Variants in CFAP46 observed in about 807,000 individuals in gnomAD.
CFAP46 encodes cilia- and flagella-associated protein 46.
Under a neutral mutation model 325.7 loss-of-function variants are expected in CFAP46, and 245 were observed. The ratio of observed to expected loss-of-function variants is 0.75; its 90% CI spans 0.68 to 0.84. CFAP46 has a LOEUF of 0.84. Among genes scored for constraint, CFAP46 ranks in the 40% least tolerant of loss-of-function variants. CFAP46 has a pLI of 0.00. For missense variants in CFAP46, 3,346 were observed against 3,543.0 expected (o/e 0.94, Z 1.41); for synonymous variants, 1,523 against 1,495.9 (o/e 1.02, Z -0.42).
At chr10:132,835,254 T>G (rs1456301548) in intron 47 of CFAP46, 50 bp downstream of exon 47, 1 of 1,592,944 alleles carries the variant, frequency 6.3e-7, no homozygotes, top group Non-Finnish European at 8.5e-7. Flanking sequence ...CTCCCAGGGG[T>G]GGGGAGCAGA....
chr10:132,816,634 A>G (rs547032599), intron 50 of CFAP46, among the ~76,000 whole-genome samples: 10 of 151,638 alleles, frequency 6.6e-5, no homozygotes, highest in Admixed American at 3.9e-4. Flanking sequence ...TGCCCGGCCA[A>G]CTCTGACTTC....
In CFAP46 at chr10:132,885,139, C is replaced by G; in HGVS notation, c.3591G>C (p.Glu1197Asp). The change falls in exon 27 of 58, where the codon GAG (glutamate) becomes GAC (aspartate). Residue 1197 changes from glutamate (E) to aspartate (D), a missense_variant. Transcript: ENST00000368586. Reference sequence around the variant, plus strand: ...GGATGGCGTTGTTGTAGCAGGCCAGCTCTCCAGACACGCTCGGCGAGTTCA... The same window carrying G: ...GGATGGCGTTGTTGTAGCAGGCCAGGTCTCCAGACACGCTCGGCGAGTTCA... Reference protein sequence around the residue: ...LALNSPSVSGELACYNNAIQA... With the variant: ...LALNSPSVSGDLACYNNAIQA... The G allele has an allele frequency of 1.3e-6, 2 of 1,549,894 alleles. No homozygotes were observed.
Position 132,869,171 on chromosome 10 carries a change from G to T in CFAP46, c.4610+103C>A. 1.1e-6 allele frequency: 1 copy of T among 921,066 alleles called. No individual in the cohort carries two copies. Among genetic ancestry groups the T allele is most frequent in the Non-Finnish European group, 1.6e-6 (1 of 637,884 alleles). 57.1% of individuals were successfully genotyped at this position (921,066 alleles called of 1,614,324 possible). A position where few individuals can be genotyped will look rare whatever the true frequency, so the allele number is the denominator to read the frequency against. On this transcript the variant is annotated intron_variant, in intron 33 of 57. Coordinates refer to ENST00000368586, the MANE Select transcript of CFAP46 (RefSeq NM_001200049.3). This position sits in a 1 kb window ranked among gnomAD's most constrained non-coding sequence, Gnocchi z 6.2. ...CCCAAGTGCTCACTCTCCCCAGAGG[G>T]GCAGGAGTCCAGGGAAGAGGGTGGC...
chr10:132,812,933 A>G (rs1185829651), intron 54 of CFAP46, 36 bp from the exon 55 acceptor site: 4 of 1,537,506 alleles, frequency 2.6e-6, no homozygotes, highest in African/African-American at 1.4e-5. Context: ...AACAGTGCCC[A>G]TGCACCTGTA....
chr10:132,867,191 G>A (rs566574880), intron 34 of CFAP46, among the ~76,000 whole-genome samples, 184 bp downstream of exon 34: 8 of 148,508 alleles, frequency 5.4e-5, no homozygotes, highest in African/African-American at 1.5e-4. Flanking sequence ...CACACAGGCC[G>A]GCCCCTCACA....
At chr10:132,912,600 C>CTT in intron 19 of CFAP46, 55 bp downstream of exon 19, 1 of 1,438,724 alleles carries the variant, frequency 7.0e-7, no homozygotes, top group Non-Finnish European at 9.2e-7. Context: ...TCTCTCTCCT[C>CTT]TCTCCTCTCT....
In CFAP46 at chr10:132,853,275, T is replaced by G. The variant is rs146845771; in HGVS notation, c.5575-1970A>C. 1.6e-4 allele frequency among the ~76,000 whole-genome samples: 25 copies of G among 152,382 alleles called. No homozygotes were observed. The South Asian group carries it at 3.5e-3, about 21-fold the overall frequency. On this transcript the variant is annotated intron_variant, in intron 39 of 57. Coordinates refer to ENST00000368586, the MANE Select transcript of CFAP46 (RefSeq NM_001200049.3). ...TACCAGGAATGGGTGTTGAATTTTG[T>G]CAAATGCTTTTCCTGCATCCACAAA...
At chr10:132,837,962 G>GAC (rs1291964852) in intron 44 of CFAP46, among the ~76,000 whole-genome samples, 7 of 150,708 alleles carry the variant, frequency 4.6e-5, no homozygotes, top group Non-Finnish European at 7.4e-5. Flanking sequence ...CGTGTACACA[G>GAC]ACGCACACAC....
In CFAP46 at chr10:132,924,865, T is replaced by A; in HGVS notation, c.1087A>T (p.Arg363Trp). The stretch of plus-strand genomic sequence containing the variant: ...GCTCGCTGCAGCGCGACGTCTAGCC[T>A]CTGTATGATATCCAGCTGGGCCTGC... The part of the protein sequence containing the change: ...AVEAQLDIIQ[R>W]LDVALQRAVR... The change falls in exon 11 of 58, where the codon AGG becomes TGG. Residue 363 changes from arginine (R) to tryptophan (W), a missense_variant. Physicochemically the swap from Arg to Trp is moderately radical, Grantham distance 101. Transcript: ENST00000368586. The A allele has an allele frequency of 1.4e-6, 2 of 1,400,900 alleles. No individual in the cohort carries two copies. The highest frequency in any genetic ancestry group is 1.9e-6 in the Non-Finnish European group (2 of 1,070,280). 86.8% of individuals were successfully genotyped at this position (1,400,900 alleles called of 1,614,324 possible).
At position 132,879,364 on chromosome 10, in the gene CFAP46, C is replaced by A. The variant is rs569871242; in HGVS notation, c.4005+62G>T. Reference sequence around the variant, plus strand: ...TCTTTACAACGCTCACTGCGGTTTCCCCAGCCCGCGGCCCGTCCCGGGAGG... The same window carrying A: ...TCTTTACAACGCTCACTGCGGTTTCACCAGCCCGCGGCCCGTCCCGGGAGG... On this transcript the variant is annotated intron_variant, in intron 29 of 57. Transcript: ENST00000368586. 7.7e-6 allele frequency: 11 copies of A among 1,424,880 alleles called. No homozygotes were observed. In the East Asian group the frequency reaches 2.8e-4, roughly 37 times the overall value. The allele number at this position is 1,424,880 out of a possible 1,614,324, so 88.3% of individuals were successfully genotyped here. A position where few individuals can be genotyped will look rare whatever the true frequency, so the allele number is the denominator to read the frequency against.
chr10:132,909,425 G>A (rs866440865), intron 20 of CFAP46, among the ~76,000 whole-genome samples, 181 bp from the exon 21 acceptor site: 2 of 152,222 alleles, frequency 1.3e-5, no homozygotes, highest in Admixed American at 6.5e-5. Flanking sequence ...CTCATACAAC[G>A]AGGAGCCCCA....
chr10:132,937,631 G>A lies in CFAP46; in HGVS notation c.581C>T (p.Ala194Val). Reference sequence around the variant, plus strand: ...AGCTGCCGTGGAGCAGAACCTGGCAGCCTCCTCCTTTCTTCCGGCTTGCAG... The same window carrying A: ...AGCTGCCGTGGAGCAGAACCTGGCAACCTCCTCCTTTCTTCCGGCTTGCAG... ...CYLQAGRKEE[A>V]ARFCSTAAPF... is the part of the protein sequence containing the mutation. Residue 194 changes from alanine (A) to valine (V), a missense_variant, in exon 6 of 58, where the codon GCT (alanine) becomes GTT (valine). Transcript: ENST00000368586. 6.2e-7 allele frequency: 1 copy of A among 1,612,842 alleles called. No individual in the cohort carries two copies. Among genetic ancestry groups the A allele is most frequent in the Non-Finnish European group, 8.5e-7 (1 of 1,179,648 alleles).
chr10:132,935,984 A>C (rs1300181261), intron 7 of CFAP46, among the ~76,000 whole-genome samples: 3 of 51,352 alleles, frequency 5.8e-5, no homozygotes, highest in African/African-American at 2.7e-4. Flanking sequence ...ACATCCAAAC[A>C]CACTGTGATC....
rs1286511661 is a variant in CFAP46, at chr10:132,878,057, G to C, written c.4036C>G (p.Leu1346Val). 6.5e-7 allele frequency: 1 copy of C among 1,547,374 alleles called. No individual in the cohort carries two copies. The highest frequency in any genetic ancestry group is 8.7e-7 in the Non-Finnish European group (1 of 1,145,448). ...GTTGCTGCCAGGGGTCTGTTTTCCA[G>C]AACTGATTTTCCTGCTGTCATCAAA... is the stretch of plus-strand genomic sequence containing the variant. ...VSLMTAGKSV[L>V]ENRPLAATSS... The change falls in exon 30 of 58, where the codon CTG becomes GTG. Residue 1346 changes from leucine (L) to valine (V), a missense_variant. Transcript: ENST00000368586.
chr10:132,933,374 G>A (rs926679681), intron 8 of CFAP46, among the ~76,000 whole-genome samples: 9 of 152,230 alleles, frequency 5.9e-5, no homozygotes, highest in Non-Finnish European at 1.2e-4. Flanking sequence ...GACAGACCTC[G>A]GAACAGGGCT....
chr10:132,809,604 TAGTC>T (rs202038622), intron 57 of CFAP46, among the ~76,000 whole-genome samples: 1,593 of 152,258 alleles, frequency 0.01, 11 homozygotes, highest in Non-Finnish European at 0.016. Context: ...GAAGCCTTCT[TAGTC>T]AGGGCAGACC....
At chr10:132,839,849 A>G (rs1430406332) in intron 44 of CFAP46, among the ~76,000 whole-genome samples, 2 of 152,106 alleles carry the variant, frequency 1.3e-5, no homozygotes, top group African/African-American at 4.8e-5. Flanking sequence ...CAACTACTTC[A>G]CCCTGACGTG....
At chr10:132,941,799 T>G in intron 2 of CFAP46, 77 bp from the exon 3 acceptor site, 1 of 1,590,378 alleles carries the variant, frequency 6.3e-7, no homozygotes, top group Non-Finnish European at 8.6e-7. Context: ...ACGGGCCCGC[T>G]TTCAGAACAG....
intron 44 of CFAP46, among the ~76,000 whole-genome samples, chr10:132,837,240 G>A (rs574234145): frequency 1.3e-5 from 2 of 152,332 alleles, no homozygotes; most frequent in South Asian, 4.1e-4. Flanking sequence ...CTCCAGCGCC[G>A]CCTCTGTGAG....
Sources: gnomAD v4.1 joint callset for allele counts (sites outside exome capture counted in the v4.1 genomes callset) on GRCh38, gnomAD v4.1.1 for gene constraint, Gnocchi (gnomAD v3.1) non-coding constraint, MANE v1.5 for transcripts, NCBI Gene and HGNC (gene_info 2026-07-23, HGNC 2026-07-21) for gene names.